The following CCDC141 variants were observed in gnomAD, a reference collection of about 807,000 sequenced individuals.
CCDC141 encodes coiled-coil domain containing 141, also known as coiled-coil domain-containing protein 141.
A neutral mutation model predicts 181.0 loss-of-function variants in CCDC141; 168 were observed. The ratio of observed to expected loss-of-function variants is 0.93; its 90% CI spans 0.82 to 1.05. CCDC141 has a LOEUF of 1.05. Ranked by LOEUF, CCDC141 falls within the 50% of genes least tolerant of loss-of-function variation. The pLI is 0.00. For missense variants in CCDC141, 1,902 were observed against 1,788.5 expected (o/e 1.06, Z -1.14); for synonymous variants, 666 against 642.3 (o/e 1.04, Z -0.56).
intron 5 of CCDC141, among the ~76,000 whole-genome samples, chr2:178,945,551 A>G (rs1398686725): frequency 2.6e-5 from 4 of 152,116 alleles, no homozygotes; most frequent in Non-Finnish European, 5.9e-5. Flanking sequence ...AGGATTTCAA[A>G]TCCATGCTCT....
At chr2:178,893,788 T>TTC (rs201156946) in intron 8 of CCDC141, among the ~76,000 whole-genome samples, 3,891 of 137,574 alleles carry the variant, frequency 0.028, 129 homozygotes, top group African/African-American at 0.084. Context: ...CACCAAACAT[T>TTC]TCTCTCTCTC....
At chr2:178,929,956 C>G (rs923441617) in intron 6 of CCDC141, among the ~76,000 whole-genome samples, 2 of 152,050 alleles carry the variant, frequency 1.3e-5, no homozygotes, top group Non-Finnish European at 2.9e-5. Flanking sequence ...CTAGAATACA[C>G]TGAAGTAGCA....
intron 4 of CCDC141, among the ~76,000 whole-genome samples, chr2:178,964,338 C>A (rs781305244): frequency 3.3e-5 from 5 of 152,176 alleles, no homozygotes; most frequent in Non-Finnish European, 5.9e-5. Flanking sequence ...TTTCCTTCCT[C>A]TAACTAACTC....
chr2:178,827,524 G>T (rs1386758267), downstream of CCDC141, among the ~76,000 whole-genome samples: 1 of 152,112 alleles, frequency 6.6e-6, no homozygotes, highest in Non-Finnish European at 1.5e-5. Context: ...CCCCTGTTGT[G>T]AATAATTTCA....
chr2:178,819,159 G>A, the CCDC141 span, among the ~76,000 whole-genome samples: 3 of 152,170 alleles, frequency 2.0e-5, no homozygotes, highest in African/African-American at 4.8e-5. Context: ...TACGCATGTA[G>A]CCATTGATTG....
intron 6 of CCDC141, among the ~76,000 whole-genome samples, chr2:178,931,887 C>G (rs1410497326): frequency 2.0e-5 from 3 of 152,140 alleles, no homozygotes; most frequent in Admixed American, 2.0e-4. Flanking sequence ...TATATATGGC[C>G]AGATATGGTG....
At position 178,888,550 on chromosome 2, in the gene CCDC141, A is replaced by G. The variant is rs1686996776; in HGVS notation, c.1384T>C (p.Ser462Pro). The stretch of plus-strand genomic sequence containing the variant: ...ACCTTCCGTAGGTAACCCTCCACTG[A>G]GGCTGTTAGTTGTTGTTTCTTAAGA... ...YALKKQQLTA[S>P]VEGYLRKVEM... The change falls in exon 9 of 24, where the codon TCA (serine) becomes CCA (proline). Residue 462 changes from serine (S) to proline (P), a missense_variant. By Grantham distance (74) the Ser-to-Pro change is moderately conservative. Transcript: ENST00000443758. 3 of 1,550,354 alleles carry G rather than the reference A, an allele frequency of 1.9e-6. No individual in the cohort carries two copies. Among genetic ancestry groups the G allele is most frequent in the Non-Finnish European group, 2.6e-6 (3 of 1,146,762 alleles).
chr2:178,947,608 G>A (rs1234861716), intron 5 of CCDC141, among the ~76,000 whole-genome samples: 1 of 152,176 alleles, frequency 6.6e-6, no homozygotes, highest in Non-Finnish European at 1.5e-5. Flanking sequence ...TGTGTGTGGT[G>A]TGTGTGTAGT....
chr2:178,829,048 C>T (rs2366913), downstream of CCDC141, among the ~76,000 whole-genome samples: 72,506 of 151,896 alleles, frequency 0.48, 17,601 homozygotes, highest in East Asian at 0.7. Flanking sequence ...AAAAGAGCCA[C>T]GGCAAGCAGC....
chr2:178,949,308 G>A (rs998344767), intron 5 of CCDC141, among the ~76,000 whole-genome samples: 1 of 152,142 alleles, frequency 6.6e-6, no homozygotes, highest in African/African-American at 2.4e-5. Context: ...ATTTAGGCAG[G>A]TTACAACATA....
intron 11 of CCDC141, among the ~76,000 whole-genome samples, chr2:178,880,160 C>A (rs893881008): frequency 1.6e-4 from 24 of 152,256 alleles, no homozygotes; most frequent in African/African-American, 5.8e-4. Flanking sequence ...TTTAATTCAT[C>A]CTTCTTTTCC....
chr2:178,865,980 T>C (rs1015747128), intron 16 of CCDC141, 64 bp from the exon 17 acceptor site: 3 of 1,238,866 alleles, frequency 2.4e-6, no homozygotes, highest in African/African-American at 3.1e-5. Flanking sequence ...GAGTAGGCTA[T>C]TTACCTGAAT....
At chr2:178,825,984 CTAGT>C (rs1684119955), downstream of CCDC141, among the ~76,000 whole-genome samples, 1 of 152,028 alleles carries the variant, frequency 6.6e-6, no homozygotes, top group African/African-American at 2.4e-5. Context: ...GTCATATTCA[CTAGT>C]TAGTGTTTCC....
chr2:178,982,673 G>T (rs923099143), intron 2 of CCDC141, among the ~76,000 whole-genome samples: 1 of 152,152 alleles, frequency 6.6e-6, no homozygotes, highest in Non-Finnish European at 1.5e-5. Context: ...GGGTCAGGGA[G>T]TTCCCTTTCC....
chr2:179,001,482 G>A (rs986433676), intron 2 of CCDC141, among the ~76,000 whole-genome samples: 1 of 152,122 alleles, frequency 6.6e-6, no homozygotes, highest in African/African-American at 2.4e-5. Context: ...CAGGCTTATG[G>A]TTGCAGCATT....
chr2:179,041,323 A>T (rs2043295195), intron 2 of CCDC141, among the ~76,000 whole-genome samples: 1 of 151,900 alleles, frequency 6.6e-6, no homozygotes, highest in Non-Finnish European at 1.5e-5. Flanking sequence ...TTATAATAAC[A>T]GTCATTCTGA....
chr2:178,936,143 T>C (rs1266030843), intron 6 of CCDC141, among the ~76,000 whole-genome samples: 1 of 152,184 alleles, frequency 6.6e-6, no homozygotes, highest in African/African-American at 2.4e-5. Flanking sequence ...CAATTGTTTT[T>C]GGTGTGTTTG....
intron 19 of CCDC141, 48 bp from the exon 20 acceptor site, chr2:178,853,672 TA>T (rs1685264186): frequency 8.0e-6 from 12 of 1,500,020 alleles, no homozygotes; most frequent in Non-Finnish European, 1.1e-5. Context: ...ACCATCCTTC[TA>T]AAGTTCTTAA....
chr2:178,888,635 C>A lies in CCDC141; in HGVS notation c.1299G>T (p.Gly433=), dbSNP rs1342442236. The change falls in exon 9 of 24, where the codon GGG becomes GGT. Residue 433 remains glycine, a synonymous_variant. Transcript: ENST00000443758. ...GATGATCCACTCGTCTCTTAATGCA[C>A]CCCATCATCTCATGGATGCCGGACA... ...SQVSGIHEMM[G]CIKRRVDHLT... is the part of the protein sequence containing the mutation. The A allele has an allele frequency of 6.4e-7, 1 of 1,550,722 alleles. No individual in the cohort carries two copies.
Sources: allele counts gnomAD v4.1 joint callset (sites outside exome capture counted in the v4.1 genomes callset), GRCh38; gene constraint gnomAD v4.1.1; transcripts MANE v1.5; gene names NCBI Gene and HGNC (gene_info 2026-07-23, HGNC 2026-07-21).